The following NEB variants were observed in gnomAD, a reference collection of about 807,000 sequenced individuals.
The protein encoded by NEB is nebulin.
NEB carries 512 observed loss-of-function variants against 952.2 expected under a neutral mutation model. The ratio of observed to expected loss-of-function variants is 0.54; its 90% CI spans 0.50 to 0.58. The LOEUF (loss-of-function observed/expected upper bound fraction) is 0.58, where lower values mean the gene tolerates loss of function less well. Ranked by LOEUF, NEB falls within the 20% of genes least tolerant of loss-of-function variation. NEB has a pLI of 0.00. For synonymous variants in NEB, 2,900 were observed against 3,149.8 expected (o/e 0.92, Z 2.66); for missense variants, 8,428 against 9,231.1 (o/e 0.91, Z 3.56).
intron 107 of NEB, 123 bp from the exon 108 acceptor site, chr2:151,570,724 G>A: frequency 1.2e-6 from 1 of 820,522 alleles, no homozygotes; most frequent in Non-Finnish European, 2.0e-6. Context: ...AGCAGTTAAA[G>A]AAGAGCATAG....
Position 151,706,948 on chromosome 2 carries a change from T to C in NEB, c.1085A>G (p.Asn362Ser). Residue 362 changes from asparagine to serine, a missense_variant, in exon 13 of 182, where the codon AAT becomes AGT. Physicochemically the swap from Asn to Ser is conservative, Grantham distance 46. Transcript: ENST00000397345. ...TGGGTTCTCTGAAGCAGGAAGCACA[T>C]TATAATCTGCTTTTCCTTTATTCTT... Reference protein sequence around the residue: ...YEKNKGKADYNVLPASENPQL... With the variant: ...YEKNKGKADYSVLPASENPQL... The C allele has an allele frequency of 6.2e-7, 1 of 1,603,772 alleles. No homozygotes were observed. The highest frequency in any genetic ancestry group is 1.1e-5 in the South Asian group (1 of 88,744).
At chr2:151,659,858 T>C (rs949965905) in intron 46 of NEB, among the ~76,000 whole-genome samples, 1 of 152,206 alleles carries the variant, frequency 6.6e-6, no homozygotes, top group Non-Finnish European at 1.5e-5. Flanking sequence ...TTCATTCATT[T>C]TTAGAGCTAC....
At chr2:151,566,225 G>C (rs1275142737) in intron 114 of NEB, among the ~76,000 whole-genome samples, 1 of 152,162 alleles carries the variant, frequency 6.6e-6, no homozygotes. Context: ...GGGGCATTTA[G>C]ACTAAATGAG....
At chr2:151,579,027 G>C (rs894541005) in intron 105 of NEB, among the ~76,000 whole-genome samples, 4 of 147,114 alleles carry the variant, frequency 2.7e-5, no homozygotes, top group African/African-American at 1.0e-4. Flanking sequence ...GTTGCAGTGG[G>C]CTGAGATTGC....
chr2:151,578,626 C>A (rs1309187883), intron 105 of NEB, among the ~76,000 whole-genome samples: 2 of 147,534 alleles, frequency 1.4e-5, no homozygotes, highest in Non-Finnish European at 3.0e-5. Flanking sequence ...CCAGCCAGGG[C>A]CACAGGGCAA....
intron 157 of NEB, among the ~76,000 whole-genome samples, chr2:151,516,034 T>C: frequency 6.6e-6 from 1 of 152,240 alleles, no homozygotes; most frequent in African/African-American, 2.4e-5. Context: ...ATCTTCACTT[T>C]TGATTATCTG....
At position 151,491,697 on chromosome 2, in the gene NEB, A is replaced by C. The variant is rs760200697; in HGVS notation, c.25136T>G (p.Leu8379Ter). The change falls in exon 179 of 182, where the codon TTA becomes TGA. Residue 8379 changes from leucine to a stop codon, truncating the protein, a stop_gained. Coordinates refer to ENST00000397345, the MANE Select transcript of NEB (RefSeq NM_001164508.2). LOFTEE classifies it high-confidence loss of function. ...AGCTAACACACCATTAATCATGTGT[A>C]AGCTTCGGGACTGGATGTTGTCTTC... The part of the protein sequence containing the change: ...PAEDNIQSRS[L>*]HMINVQAQRR... 4.4e-6 allele frequency: 7 copies of C among 1,593,618 alleles called. No individual in the cohort carries two copies. Among genetic ancestry groups the C allele is most frequent in the Non-Finnish European group, 6.0e-6 (7 of 1,168,982 alleles).
Position 151,717,630 on chromosome 2 carries a change from A to T in NEB, c.718-110T>A, listed in dbSNP as rs535910091. ...TTATAATTTGTCCTAGATGTTACAT[A>T]CCATTGCTCTCAGTACTGCTAGTGA... On this transcript the variant is annotated intron_variant, in intron 9 of 181. Coordinates refer to ENST00000397345, the MANE Select transcript of NEB (RefSeq NM_001164508.2). The T allele has an allele frequency of 6.6e-5, 53 of 805,068 alleles. No individual in the cohort carries two copies. The South Asian group carries it at 7.9e-4, about 12-fold the overall frequency. The allele number at this position is 805,068 out of a possible 1,614,324, so 49.9% of individuals were successfully genotyped here. A position where few individuals can be genotyped will look rare whatever the true frequency, so the allele number is the denominator to read the frequency against.
intron 28 of NEB, among the ~76,000 whole-genome samples, chr2:151,682,982 C>A (rs987774271): frequency 1.3e-5 from 2 of 152,072 alleles, no homozygotes; most frequent in Non-Finnish European, 2.9e-5. Context: ...CCATTTCATC[C>A]TTATTTCCAA....
At chr2:151,493,322 T>C in intron 176 of NEB, 31 bp downstream of exon 176, 1 of 1,480,222 alleles carries the variant, frequency 6.8e-7, no homozygotes. Flanking sequence ...TCCAAGTTGT[T>C]GCACTATTTC....
At chr2:151,634,897 T>C (rs1303446218) in intron 64 of NEB, among the ~76,000 whole-genome samples, 1 of 152,174 alleles carries the variant, frequency 6.6e-6, no homozygotes, top group African/African-American at 2.4e-5. Context: ...CAACAATGTT[T>C]TTATTATTCA....
chr2:151,678,431 C>T (rs571683473), intron 32 of NEB, among the ~76,000 whole-genome samples: 1 of 152,316 alleles, frequency 6.6e-6, no homozygotes, highest in Admixed American at 6.5e-5. Context: ...TGAGATGGGG[C>T]ATTACCATAA....
intron 162 of NEB, 90 bp downstream of exon 162, chr2:151,507,915 G>A: frequency 1.2e-6 from 1 of 865,292 alleles, no homozygotes; most frequent in Non-Finnish European, 1.9e-6. Context: ...CTGCACAACA[G>A]CCCCACTGCA....
In NEB at chr2:151,497,661, CCA is replaced by C; in HGVS notation, c.24263_24264del (p.Met8088ArgfsTer11). 6.3e-7 allele frequency: 1 copy of C among 1,584,638 alleles called. No homozygotes were observed. The highest frequency in any genetic ancestry group is 1.3e-5 in the African/African-American group (1 of 74,634). ...KGTPLPVTPE[M>X]ERVKHNQENI... ...TTTTCTTGATTGTGTTTGACTCTTT[CCA>C]TCTCGGGAGTGACAGGTAAAGGGGT... On this transcript the variant is annotated frameshift_variant, in exon 171 of 182. Coordinates refer to ENST00000397345, the MANE Select transcript of NEB (RefSeq NM_001164508.2). LOFTEE classifies it high-confidence loss of function.
intron 33 of NEB, 48 bp downstream of exon 33, chr2:151,677,827 AG>A: frequency 6.2e-7 from 1 of 1,610,144 alleles, no homozygotes; most frequent in Non-Finnish European, 8.5e-7. Context: ...TTTTCATGGC[AG>A]GCTCTGAACT....
chr2:151,490,214 A>C (rs902218572), intron 180 of NEB, 137 bp from the exon 181 acceptor site: 1 of 1,162,966 alleles, frequency 8.6e-7, no homozygotes, highest in African/African-American at 1.6e-5. Context: ...AAAATGAAAC[A>C]TCTAACTTCA....
intron 28 of NEB, among the ~76,000 whole-genome samples, chr2:151,683,989 T>C (rs554012622): frequency 6.6e-6 from 1 of 152,296 alleles, no homozygotes. Context: ...TGTATGACTT[T>C]ACATATATGA....
chr2:151,519,576 A>G, intron 154 of NEB, 82 bp downstream of exon 154: 1 of 989,076 alleles, frequency 1.0e-6, no homozygotes, highest in Non-Finnish European at 1.6e-6. Context: ...GAGTGTTATA[A>G]ATGCTACTGA....
chr2:151,575,479 G>A (rs904224211), intron 107 of NEB, among the ~76,000 whole-genome samples: 2 of 152,114 alleles, frequency 1.3e-5, no homozygotes, highest in African/African-American at 2.4e-5. Flanking sequence ...AGAGACTTTT[G>A]TTGTGGAGAT....
Sources: gnomAD v4.1 joint callset for allele counts (sites outside exome capture counted in the v4.1 genomes callset) on GRCh38, gnomAD v4.1.1 for gene constraint, MANE v1.5 for transcripts, NCBI Gene and HGNC (gene_info 2026-07-23, HGNC 2026-07-21) for gene names.